SULF1: variants seen among roughly 807,000 people sequenced by gnomAD.
SULF1 encodes the protein extracellular sulfatase Sulf-1.
Under a neutral mutation model 110.5 loss-of-function variants are expected in SULF1, and 46 were observed. The observed-to-expected ratio is 0.42, with a 90% CI of 0.33 to 0.53. The LOEUF (loss-of-function observed/expected upper bound fraction) is 0.53, where lower values mean the gene tolerates loss of function less well. Among genes scored for constraint, SULF1 ranks in the 20% least tolerant of loss-of-function variants. The pLI, the probability that SULF1 is intolerant of heterozygous loss-of-function variation, is 0.12. For synonymous variants in SULF1, 371 were observed against 387.1 expected (o/e 0.96, Z 0.49); for missense variants, 941 against 1,094.2 (o/e 0.86, Z 1.98).
intron 19 of SULF1, among the ~76,000 whole-genome samples, chr8:69,635,553 TAGG>T (rs1477533220): frequency 6.6e-6 from 1 of 152,226 alleles, no homozygotes. Context: ...TGATACTACA[TAGG>T]ATAGCAGAGT....
intron 19 of SULF1, among the ~76,000 whole-genome samples, chr8:69,635,537 T>C (rs762183553): frequency 2.0e-5 from 3 of 152,262 alleles, no homozygotes; most frequent in African/African-American, 4.8e-5. Flanking sequence ...ACAGATTTAG[T>C]GTGTCTGATA....
chr8:69,552,770 G>A (rs1045806690), intron 3 of SULF1, among the ~76,000 whole-genome samples: 1 of 152,236 alleles, frequency 6.6e-6, no homozygotes, highest in Non-Finnish European at 1.5e-5. Context: ...GATGATTTAG[G>A]AGATAGATAG....
At chr8:69,593,267 G>C (rs1807039421) in intron 8 of SULF1, among the ~76,000 whole-genome samples, 1 of 152,194 alleles carries the variant, frequency 6.6e-6, no homozygotes, top group Non-Finnish European at 1.5e-5. Flanking sequence ...GCCGATGGTA[G>C]TGCATGGAAC....
intron 8 of SULF1, chr8:69,592,825 G>T (rs1807008869): frequency 2.7e-6 from 2 of 730,432 alleles, no homozygotes; most frequent in African/African-American, 1.9e-5. Flanking sequence ...TGAGAGAAAT[G>T]ACAACTTGAT....
intron 1 of SULF1, among the ~76,000 whole-genome samples, chr8:69,482,664 A>G (rs1292672380): frequency 6.9e-6 from 1 of 144,648 alleles, no homozygotes; most frequent in Non-Finnish European, 1.5e-5. Flanking sequence ...ATAAATGACT[A>G]TGGGTAACTG....
intron 3 of SULF1, among the ~76,000 whole-genome samples, chr8:69,529,288 T>G (rs1812924670): frequency 1.3e-5 from 2 of 152,176 alleles, no homozygotes; most frequent in Non-Finnish European, 2.9e-5. Flanking sequence ...AGGAAATTCC[T>G]TTGAACTATC....
At chr8:69,556,684 A>T (rs1815138246) in intron 3 of SULF1, among the ~76,000 whole-genome samples, 1 of 152,212 alleles carries the variant, frequency 6.6e-6, no homozygotes, top group Non-Finnish European at 1.5e-5. Context: ...AGACCTAGCT[A>T]AGATGCCCAA....
chr8:69,607,090 G>A (rs949868422), intron 13 of SULF1, among the ~76,000 whole-genome samples: 2 of 152,336 alleles, frequency 1.3e-5, no homozygotes, highest in South Asian at 2.1e-4. Context: ...CAGCATCCCT[G>A]AGAGTTTGTC....
intron 3 of SULF1, among the ~76,000 whole-genome samples, chr8:69,509,607 C>T (rs541723163): frequency 6.6e-6 from 1 of 152,288 alleles, no homozygotes; most frequent in South Asian, 2.1e-4. Context: ...TTGATTGGCT[C>T]CTGTTGGGCA....
chr8:69,577,653 T>C (rs1805717497), intron 6 of SULF1, among the ~76,000 whole-genome samples: 1 of 152,162 alleles, frequency 6.6e-6, no homozygotes, highest in Non-Finnish European at 1.5e-5. Context: ...AACTAGGGTT[T>C]GCTAATTTGT....
chr8:69,644,710 G>A (rs145541435), intron 22 of SULF1, among the ~76,000 whole-genome samples: 5,778 of 149,682 alleles, frequency 0.039, 243 homozygotes, highest in African/African-American at 0.11. Flanking sequence ...GCAGTGAGCC[G>A]AGATCACGCC....
At chr8:69,509,353 A>T (rs1315903710) in intron 3 of SULF1, among the ~76,000 whole-genome samples, 2 of 152,252 alleles carry the variant, frequency 1.3e-5, no homozygotes, top group African/African-American at 4.8e-5. Context: ...AGGCCATAGA[A>T]TTGCCAGGAT....
At chr8:69,618,629 T>C (rs1238073276) in intron 13 of SULF1, among the ~76,000 whole-genome samples, 1 of 152,178 alleles carries the variant, frequency 6.6e-6, no homozygotes, top group East Asian at 1.9e-4. Flanking sequence ...TGGATGAAGA[T>C]GCTAAACGTT....
At chr8:69,496,665 G>C (rs1810380701) in intron 2 of SULF1, among the ~76,000 whole-genome samples, 1 of 152,196 alleles carries the variant, frequency 6.6e-6, no homozygotes, top group Non-Finnish European at 1.5e-5. Flanking sequence ...CATATATGGT[G>C]CTGGTCATTC....
chr8:69,549,130 C>A (rs888314938), intron 3 of SULF1, among the ~76,000 whole-genome samples: 28 of 152,194 alleles, frequency 1.8e-4, no homozygotes, highest in African/African-American at 6.5e-4. Context: ...CAATCCTGCT[C>A]CTGCCATGGC....
rs11284204 is a variant in SULF1 at position 69,601,038 on chromosome 8, AT to A, written c.885+287del. Among the ~76,000 whole-genome samples the A allele has an allele frequency of 0.76, 115,885 of 152,118 alleles. 44,551 individuals carry two copies. The highest frequency in any genetic ancestry group is 0.85 in the African/African-American group (35,450 of 41,484). On this transcript the variant is annotated intron_variant, in intron 9 of 22. Coordinates refer to ENST00000402687, the MANE Select transcript of SULF1 (RefSeq NM_001128205.2). ...GCCACATCCTCAAAGGCAATAAAGA[AT>A]TGATGGAGCTTGTGCTGAACTTGAA...
At chr8:69,487,895 A>G (rs1028103868), upstream of SULF1, among the ~76,000 whole-genome samples, 7 of 152,220 alleles carry the variant, frequency 4.6e-5, no homozygotes, top group Non-Finnish European at 8.8e-5. Context: ...AAAGCATGTC[A>G]GTGAGTAGCC....
chr8:69,543,263 G>A (rs1283094550), intron 3 of SULF1, among the ~76,000 whole-genome samples: 2 of 152,008 alleles, frequency 1.3e-5, no homozygotes, highest in Non-Finnish European at 2.9e-5. Context: ...AAGATATGCA[G>A]GTTTGTTACA....
chr8:69,532,392 G>A (rs1156681075), intron 3 of SULF1, among the ~76,000 whole-genome samples: 1 of 151,742 alleles, frequency 6.6e-6, no homozygotes, highest in Non-Finnish European at 1.5e-5. Flanking sequence ...TTTTTTTAAA[G>A]GAACTGGACA....
Sources: gnomAD v4.1 joint callset for allele counts (sites outside exome capture counted in the v4.1 genomes callset) on GRCh38, gnomAD v4.1.1 for gene constraint, MANE v1.5 for transcripts, NCBI Gene and HGNC (gene_info 2026-07-23, HGNC 2026-07-21) for gene names.